CEP128: variants seen among roughly 807,000 people sequenced by gnomAD.
The protein encoded by CEP128 is centrosomal protein 128kDa.
A neutral mutation model predicts 156.7 loss-of-function variants in CEP128; 132 were observed. That is an observed-to-expected ratio of 0.84 (90% CI 0.73 to 0.97). The LOEUF (loss-of-function observed/expected upper bound fraction) is 0.97. Ranked by LOEUF, CEP128 falls within the 50% of genes least tolerant of loss-of-function variation. The probability of loss-of-function intolerance (pLI) is 0.00; values close to 1 mark genes in which losing one functional copy is unlikely to be tolerated. For missense variants in CEP128, 1,252 were observed against 1,281.9 expected (o/e 0.98, Z 0.36); for synonymous variants, 469 against 448.9 (o/e 1.04, Z -0.57).
At chr14:80,767,705 T>C (rs1900307910) in intron 16 of CEP128, among the ~76,000 whole-genome samples, 1 of 152,146 alleles carries the variant, frequency 6.6e-6, no homozygotes, top group African/African-American at 2.4e-5. Context: ...TTCTCTGTGC[T>C]ACCACAAGAA....
At chr14:80,774,607 ATATG>A (rs1478715426) in intron 16 of CEP128, among the ~76,000 whole-genome samples, 7 of 151,586 alleles carry the variant, frequency 4.6e-5, no homozygotes, top group Admixed American at 6.6e-5. Flanking sequence ...ACATATATAC[ATATG>A]TGTGTGTGTG....
intron 19 of CEP128, among the ~76,000 whole-genome samples, chr14:80,731,109 CA>C (rs1038573295): frequency 6.6e-6 from 1 of 152,090 alleles, no homozygotes; most frequent in Non-Finnish European, 1.5e-5. Context: ...ACATTCTTAA[CA>C]AAAAAACTTG....
chr14:80,893,942 G>T (rs1301007770), intron 8 of CEP128, among the ~76,000 whole-genome samples: 1 of 151,764 alleles, frequency 6.6e-6, no homozygotes, highest in Non-Finnish European at 1.5e-5. Flanking sequence ...TTTAATAAAT[G>T]GAAGTTAATC....
chr14:80,831,145 C>T lies in CEP128; in HGVS notation c.1207G>A (p.Glu403Lys). 2 of 1,613,864 alleles carry T rather than the reference C, an allele frequency of 1.2e-6. No homozygotes were observed. ...TGACTTAAAAAGAGCAAAGTCACCT[C>T]TACTTGTGATGCCAAATGTGCTTTC... is the stretch of plus-strand genomic sequence containing the variant. ...KEKAHLASQV[E>K]NLTRELENGE... Residue 403 changes from glutamate to lysine, a missense_variant and splice_region_variant, in exon 13 of 25, where the codon GAG becomes AAG. Physicochemically the swap from Glu to Lys is moderately conservative, Grantham distance 56. Coordinates refer to ENST00000555265, the MANE Select transcript of CEP128 (RefSeq NM_152446.5).
chr14:80,573,769 G>A (rs1891244333), intron 20 of CEP128, among the ~76,000 whole-genome samples: 1 of 152,110 alleles, frequency 6.6e-6, no homozygotes, highest in Admixed American at 6.5e-5. Flanking sequence ...GTGTAACTTT[G>A]TACCAAATTT....
At chr14:80,688,193 T>A (rs528794037) in intron 19 of CEP128, among the ~76,000 whole-genome samples, 23 of 152,196 alleles carry the variant, frequency 1.5e-4, no homozygotes, top group African/African-American at 5.5e-4. Flanking sequence ...TAGAAAAAAA[T>A]TAAATATTTT....
At chr14:80,680,397 T>A (rs954646077) in intron 19 of CEP128, among the ~76,000 whole-genome samples, 1 of 152,166 alleles carries the variant, frequency 6.6e-6, no homozygotes, top group Non-Finnish European at 1.5e-5. Flanking sequence ...TAGATCCTGG[T>A]GAGCACGGCC....
intron 23 of CEP128, among the ~76,000 whole-genome samples, chr14:80,509,920 A>G (rs1888166261): frequency 6.6e-6 from 1 of 152,190 alleles, no homozygotes; most frequent in African/African-American, 2.4e-5. Flanking sequence ...ACTGTCAAAA[A>G]TAAGTTCACT....
intron 13 of CEP128, among the ~76,000 whole-genome samples, chr14:80,822,134 C>A (rs747566234): frequency 6.6e-6 from 1 of 152,096 alleles, no homozygotes; most frequent in East Asian, 1.9e-4. Flanking sequence ...CATATCATTC[C>A]GCCCCTGGCC....
rs573458748 is a variant in CEP128, at chr14:80,566,841, C to T, written c.2857-7539G>A. On this transcript the variant is annotated intron_variant, in intron 20 of 24. Transcript: ENST00000555265. ...TACTTCAGCGTCTAAAATAACACAACACACATATTGAAGAAAAAAAAAACA... is the reference window on the plus strand; with the variant it reads ...TACTTCAGCGTCTAAAATAACACAATACACATATTGAAGAAAAAAAAAACA... Among the ~76,000 whole-genome samples the T allele has an allele frequency of 3.6e-3, 513 of 143,352 alleles. 4 individuals are homozygous for T. The highest frequency in any genetic ancestry group is 0.013 in the African/African-American group (494 of 37,460). 94.0% of individuals were successfully genotyped at this position (143,352 alleles called of 152,430 possible).
intron 20 of CEP128, among the ~76,000 whole-genome samples, chr14:80,579,760 A>C (rs1891509324): frequency 6.6e-6 from 1 of 152,220 alleles, no homozygotes; most frequent in African/African-American, 2.4e-5. Context: ...AAAGACAGAC[A>C]CTTGAGTTAC....
intron 13 of CEP128, among the ~76,000 whole-genome samples, chr14:80,814,177 G>T (rs1884716798): frequency 6.6e-6 from 1 of 151,880 alleles, no homozygotes; most frequent in Non-Finnish European, 1.5e-5. Context: ...TTTTACCTGG[G>T]GTTCTTAGAG....
chr14:80,721,075 A>T (rs577217981), intron 19 of CEP128, among the ~76,000 whole-genome samples: 4 of 152,356 alleles, frequency 2.6e-5, no homozygotes. Context: ...AATTCAAAGA[A>T]TCTATGAAAA....
downstream of CEP128, among the ~76,000 whole-genome samples, chr14:80,492,769 A>T (rs1257719832): frequency 1.3e-5 from 2 of 152,182 alleles, no homozygotes; most frequent in African/African-American, 4.8e-5. Context: ...TTTAATGGAA[A>T]ACCTCATATT....
rs77244394 is a variant in CEP128 at position 80,668,083 on chromosome 14, C to T, written c.2806+74992G>A. ...GCCCAACATTATTCTAAGCATTTTACGTGAAGTAACACACTTATTCCTTGC... is the reference window on the plus strand; with the variant it reads ...GCCCAACATTATTCTAAGCATTTTATGTGAAGTAACACACTTATTCCTTGC... On this transcript the variant is annotated intron_variant, in intron 19 of 24. Transcript: ENST00000555265. 4.5e-3 allele frequency among the ~76,000 whole-genome samples: 685 copies of T among 152,238 alleles called. 3 individuals are homozygous for T. Among genetic ancestry groups the T allele is most frequent in the African/African-American group, 0.016 (647 of 41,530 alleles).
intron 19 of CEP128, among the ~76,000 whole-genome samples, chr14:80,646,994 A>AATATATATATATATATATATATAT (rs372341494): frequency 1.3e-5 from 1 of 76,594 alleles, no homozygotes; most frequent in Non-Finnish European, 3.1e-5. Context: ...ATTTATAAGA[A>AATATATATATATATATATATATAT]ATATATATAT....
At position 80,908,412 on chromosome 14, in the gene CEP128, T is replaced by C. The variant is rs189968260; in HGVS notation, c.235-2331A>G. 2.7e-4 allele frequency among the ~76,000 whole-genome samples: 41 copies of C among 152,324 alleles called. No homozygotes were observed. The East Asian group carries it at 7.7e-3, about 29-fold the overall frequency. On this transcript the variant is annotated intron_variant, in intron 4 of 24. Coordinates refer to ENST00000555265, the MANE Select transcript of CEP128 (RefSeq NM_152446.5). The stretch of plus-strand genomic sequence containing the variant: ...TCCATTCTTTTTGGATATCTTATGC[T>C]GGTTTATCTTTCAATTCATGAATTC...
At chr14:80,684,927 A>T (rs1350439711) in intron 19 of CEP128, among the ~76,000 whole-genome samples, 1 of 152,158 alleles carries the variant, frequency 6.6e-6, no homozygotes, top group African/African-American at 2.4e-5. Context: ...TCAACAAACT[A>T]GGCATCGAAG....
intron 13 of CEP128, chr14:80,830,268 A>T: frequency 1.6e-6 from 1 of 629,696 alleles, no homozygotes; most frequent in Non-Finnish European, 2.9e-6. Flanking sequence ...TTTAAAAGAC[A>T]TTTTCTATTG....
Sources: gnomAD v4.1 joint callset for allele counts (sites outside exome capture counted in the v4.1 genomes callset) on GRCh38, gnomAD v4.1.1 for gene constraint, MANE v1.5 for transcripts, NCBI Gene and HGNC (gene_info 2026-07-23, HGNC 2026-07-21) for gene names.